The following CELF2 variants were observed in gnomAD, a reference collection of about 807,000 sequenced individuals.
CELF2 encodes the protein CUGBP Elav-like family member 2, also known as CUG triplet repeat RNA-binding protein 2.
Under a neutral mutation model 62.6 loss-of-function variants are expected in CELF2, and 8 were observed. The observed-to-expected ratio is 0.13, with a 90% CI of 0.07 to 0.23. The LOEUF is 0.23. Ranked by LOEUF, CELF2 falls within the 10% of genes least tolerant of loss-of-function variation. The pLI, the probability that CELF2 is intolerant of heterozygous loss-of-function variation, is 1.00. For synonymous variants in CELF2, 258 were observed against 250.0 expected, an observed-to-expected ratio of 1.03 and a Z score of -0.30; for missense variants, 333 against 671.0, an observed-to-expected ratio of 0.50 and a Z score of 5.56.
intron 1 of CELF2, among the ~76,000 whole-genome samples, chr10:11,132,500 G>A (rs1192033687): frequency 6.6e-6 from 1 of 152,142 alleles, no homozygotes; most frequent in African/African-American, 2.4e-5. Flanking sequence ...GCAAATGTGG[G>A]CAATAAAGGT....
the CELF2 span, among the ~76,000 whole-genome samples, chr10:10,761,304 A>G: frequency 6.6e-6 from 1 of 152,338 alleles, no homozygotes; most frequent in East Asian, 1.9e-4. Flanking sequence ...ATACCTGAGG[A>G]AGAAATAAAT....
intron 1 of CELF2, among the ~76,000 whole-genome samples, chr10:10,823,669 G>A (rs187747199): frequency 6.6e-5 from 10 of 152,034 alleles, no homozygotes; most frequent in Admixed American, 3.3e-4. Flanking sequence ...ACCTAAATGC[G>A]GCAGAGATAA....
the CELF2 span, among the ~76,000 whole-genome samples, chr10:10,683,701 A>C: frequency 6.6e-6 from 1 of 152,248 alleles, no homozygotes; most frequent in Non-Finnish European, 1.5e-5. Context: ...CATTGCGTGG[A>C]TAGCAGTTGT....
chr10:10,912,431 G>A lies in CELF2; in HGVS notation c.54-7533G>A, dbSNP rs577472465. ...AGATGCTCTGTCTCCAGGCTGGAGC[G>A]CGATCTCGGCTCACTGCAACCTCCA... is the stretch of plus-strand genomic sequence containing the variant. On this transcript the variant is annotated intron_variant, in intron 1 of 13. Transcript: ENST00000636488. Among the ~76,000 whole-genome samples, 87 of 152,136 alleles carry A rather than the reference G, an allele frequency of 5.7e-4. 1 individual carries two copies. The highest frequency in any genetic ancestry group is 1.2e-3 in the South Asian group (6 of 4,810).
upstream of CELF2, among the ~76,000 whole-genome samples, chr10:11,013,605 G>A (rs1425084820): frequency 6.6e-6 from 1 of 152,098 alleles, no homozygotes; most frequent in African/African-American, 2.4e-5. This position sits in a 1 kb window ranked among gnomAD's most constrained non-coding sequence, Gnocchi z 4.1. Flanking sequence ...ATAGAAACCA[G>A]TGGAAGCTAT....
In CELF2 at chr10:11,110,402, A is replaced by G. The variant is rs566389662; in HGVS notation, c.75-55084A>G. Among the ~76,000 whole-genome samples the G allele has an allele frequency of 2.6e-5, 4 of 152,340 alleles. No homozygotes were observed. The highest frequency in any genetic ancestry group is 2.6e-4 in the Admixed American group (4 of 15,306). ...GGAACAGAAAAAATGTGAAACGATG[A>G]AGTTTTAGGAAGCCATCTAACGCTT... On this transcript the variant is annotated intron_variant, in intron 1 of 12. Transcript: ENST00000633077. The surrounding 1 kb of genome is among the most constrained non-coding windows in gnomAD (Gnocchi z 4.0).
At chr10:11,055,755 T>C (rs1441442286) in intron 1 of CELF2, among the ~76,000 whole-genome samples, 2 of 152,236 alleles carry the variant, frequency 1.3e-5, no homozygotes, top group Non-Finnish European at 2.9e-5. Context: ...GCAAGTGCTG[T>C]GGCCGCCATC....
intron 1 of CELF2, among the ~76,000 whole-genome samples, chr10:10,888,468 G>A (rs2061912838): frequency 6.6e-6 from 1 of 152,212 alleles, no homozygotes; most frequent in Admixed American, 6.5e-5. Flanking sequence ...ATAAGGACCA[G>A]TTAGATCAGT....
chr10:11,197,024 G>A (rs145907155), intron 2 of CELF2, among the ~76,000 whole-genome samples: 415 of 4,752 alleles, frequency 0.087, 70 homozygotes, highest in African/African-American at 0.15. Context: ...AAGAAAGAAA[G>A]AAAAGAAAGA....
the CELF2 span, among the ~76,000 whole-genome samples, chr10:10,614,096 G>A: frequency 1.3e-5 from 2 of 151,748 alleles, no homozygotes; most frequent in South Asian, 4.1e-4. Flanking sequence ...AGAGTGGGCA[G>A]TAACCCAAGT....
the CELF2 span, among the ~76,000 whole-genome samples, chr10:10,780,224 G>A: frequency 6.6e-6 from 1 of 152,108 alleles, no homozygotes; most frequent in Non-Finnish European, 1.5e-5. Flanking sequence ...GTTTTAATAT[G>A]GAGTCAGAGC....
the CELF2 span, among the ~76,000 whole-genome samples, chr10:10,529,770 C>T: frequency 2.2e-4 from 34 of 151,416 alleles, no homozygotes; most frequent in Middle Eastern, 3.4e-3. Flanking sequence ...AAAATGAAGC[C>T]TAACCCTGCC....
chr10:10,493,757 C>G, the CELF2 span, among the ~76,000 whole-genome samples: 1 of 152,066 alleles, frequency 6.6e-6, no homozygotes, highest in Non-Finnish European at 1.5e-5. Flanking sequence ...GTCTCAAACT[C>G]CCGACCTCAA....
chr10:11,213,763 A>G (rs2062555472), intron 2 of CELF2, among the ~76,000 whole-genome samples: 1 of 152,230 alleles, frequency 6.6e-6, no homozygotes, highest in Admixed American at 6.5e-5. Flanking sequence ...GACTGTTTCA[A>G]TTTGGAGGTC....
chr10:11,057,647 T>C (rs1320236221), intron 1 of CELF2, among the ~76,000 whole-genome samples: 1 of 152,132 alleles, frequency 6.6e-6, no homozygotes, highest in African/African-American at 2.4e-5. Flanking sequence ...TGTTTTCTCT[T>C]TTTTTCCCCC....
intron 1 of CELF2, among the ~76,000 whole-genome samples, chr10:11,019,762 A>G (rs1249303279): frequency 6.6e-6 from 1 of 152,186 alleles, no homozygotes; most frequent in Non-Finnish European, 1.5e-5. Flanking sequence ...TAACATTTCC[A>G]CGATATTTGT....
chr10:10,860,927 T>A lies in CELF2; in HGVS notation c.54-59037T>A, dbSNP rs571470063. On this transcript the variant is annotated intron_variant, in intron 1 of 13. Transcript: ENST00000636488. ...CTTGTTACAAGAGCATATTCTTTTTTTATATATATAAAAGACTGTAATCTC... is the reference window on the plus strand; with the variant it reads ...CTTGTTACAAGAGCATATTCTTTTTATATATATATAAAAGACTGTAATCTC... Among the ~76,000 whole-genome samples, 347 of 152,262 alleles carry A rather than the reference T, an allele frequency of 2.3e-3. 1 individual carries two copies. Among genetic ancestry groups the A allele is most frequent in the African/African-American group, 7.9e-3 (328 of 41,552 alleles).
At chr10:11,241,310 C>T (rs1262322226) in intron 3 of CELF2, among the ~76,000 whole-genome samples, 1 of 152,212 alleles carries the variant, frequency 6.6e-6, no homozygotes, top group Non-Finnish European at 1.5e-5. Context: ...AGCGATTCTC[C>T]TGCCTCAGTC....
chr10:11,148,464 T>C (rs1220574752), intron 1 of CELF2, among the ~76,000 whole-genome samples: 1 of 152,204 alleles, frequency 6.6e-6, no homozygotes, highest in Non-Finnish European at 1.5e-5. Context: ...GGGCTGTAAA[T>C]AATTGAAGCT....
Sources: allele counts gnomAD v4.1 joint callset (sites outside exome capture counted in the v4.1 genomes callset), GRCh38; gene constraint gnomAD v4.1.1; non-coding constraint Gnocchi (gnomAD v3.1); transcripts MANE v1.5; gene names NCBI Gene and HGNC (gene_info 2026-07-23, HGNC 2026-07-21).